BRINP1: variants seen among roughly 807,000 people sequenced by gnomAD.
BRINP1 encodes BMP/retinoic acid inducible neural specific 1, also known as BMP/retinoic acid-inducible neural-specific protein 1.
In BRINP1, 17 loss-of-function variants were observed where a neutral mutation model predicts 72.9. The observed-to-expected ratio is 0.23, with a 90% CI of 0.16 to 0.35. The LOEUF is 0.35. BRINP1 is among the 10% of genes least tolerant of loss of function. The pLI, the probability that BRINP1 is intolerant of heterozygous loss-of-function variation, is 1.00. For missense variants in BRINP1, 850 were observed against 1,001.6 expected (o/e 0.85, Z 2.04); for synonymous variants, 418 against 378.5 (o/e 1.10, Z -1.21).
chr9:119,206,465 C>T (rs1033330261), intron 7 of BRINP1, among the ~76,000 whole-genome samples: 5 of 147,836 alleles, frequency 3.4e-5, no homozygotes, highest in African/African-American at 5.0e-5. Flanking sequence ...GATATTAGGA[C>T]GCAGATGCAC....
intron 4 of BRINP1, among the ~76,000 whole-genome samples, chr9:119,240,600 G>A (rs527460018): frequency 2.0e-5 from 3 of 152,260 alleles, no homozygotes; most frequent in South Asian, 2.1e-4. Context: ...TGACTCCGAT[G>A]GCTTCATAAA....
At chr9:119,206,032 G>C (rs1829850074) in intron 7 of BRINP1, among the ~76,000 whole-genome samples, 1 of 152,150 alleles carries the variant, frequency 6.6e-6, no homozygotes, top group South Asian at 2.1e-4. Context: ...CTGTGACTGT[G>C]TTTGGAGACA....
At chr9:119,189,334 T>C (rs1307004189) in intron 7 of BRINP1, among the ~76,000 whole-genome samples, 1 of 152,078 alleles carries the variant, frequency 6.6e-6, no homozygotes, top group African/African-American at 2.4e-5. Context: ...GTATCAATAA[T>C]GACATTAACT....
chr9:119,281,934 C>T (rs1830716953), intron 2 of BRINP1, among the ~76,000 whole-genome samples: 1 of 152,008 alleles, frequency 6.6e-6, no homozygotes, highest in Non-Finnish European at 1.5e-5. Context: ...ATGTTTTGTT[C>T]CTCTTGGCTA....
At chr9:119,257,719 C>T (rs1235353413) in intron 2 of BRINP1, among the ~76,000 whole-genome samples, 2 of 152,184 alleles carry the variant, frequency 1.3e-5, no homozygotes, top group African/African-American at 2.4e-5. Flanking sequence ...GAGATGAAAT[C>T]ATTGAGCTGA....
intron 1 of BRINP1, among the ~76,000 whole-genome samples, chr9:119,319,163 A>G (rs1831158795): frequency 6.6e-6 from 1 of 152,100 alleles, no homozygotes; most frequent in Non-Finnish European, 1.5e-5. Flanking sequence ...TTTACAGATC[A>G]TAACCTGAGT....
chr9:119,312,958 C>T (rs1252891959), intron 2 of BRINP1, among the ~76,000 whole-genome samples, 180 bp downstream of exon 2: 1 of 152,190 alleles, frequency 6.6e-6, no homozygotes, highest in Non-Finnish European at 1.5e-5. Context: ...TTGATCCTCT[C>T]CTTGTCATTG....
At chr9:119,201,689 A>C (rs1338130088) in intron 7 of BRINP1, among the ~76,000 whole-genome samples, 2 of 152,154 alleles carry the variant, frequency 1.3e-5, no homozygotes, top group Non-Finnish European at 2.9e-5. Flanking sequence ...TCATGAAACA[A>C]TGTCTTTTTA....
intron 2 of BRINP1, among the ~76,000 whole-genome samples, chr9:119,306,570 G>C (rs1830999914): frequency 6.6e-6 from 1 of 152,170 alleles, no homozygotes; most frequent in Non-Finnish European, 1.5e-5. Context: ...CTGAAGGGAA[G>C]AAAAAGTGTC....
chr9:119,335,753 C>A (rs1831340044), intron 1 of BRINP1, among the ~76,000 whole-genome samples: 1 of 152,228 alleles, frequency 6.6e-6, no homozygotes, highest in Non-Finnish European at 1.5e-5. Flanking sequence ...TGTGCTCAGA[C>A]TTCTCTAAAT....
At chr9:119,220,707 T>C (rs1830031747) in intron 5 of BRINP1, among the ~76,000 whole-genome samples, 1 of 152,204 alleles carries the variant, frequency 6.6e-6, no homozygotes, top group Non-Finnish European at 1.5e-5. Flanking sequence ...AGTAGGTTTT[T>C]ATAAATGTAT....
chr9:119,251,485 G>C (rs955920237), intron 2 of BRINP1, among the ~76,000 whole-genome samples: 1 of 152,186 alleles, frequency 6.6e-6, no homozygotes, highest in Non-Finnish European at 1.5e-5. Flanking sequence ...GTGCACGCCT[G>C]TAGCCCCAGC....
At chr9:119,173,735 C>A (rs1035162633) in intron 7 of BRINP1, among the ~76,000 whole-genome samples, 1 of 145,506 alleles carries the variant, frequency 6.9e-6, no homozygotes, top group Non-Finnish European at 1.5e-5. Flanking sequence ...TACCTGACTT[C>A]AAACTATACT....
chr9:119,366,503 CGT>C (rs3983901), intron 1 of BRINP1, among the ~76,000 whole-genome samples: 3,522 of 136,180 alleles, frequency 0.026, 314 homozygotes, highest in East Asian at 0.03. Context: ...CCCCCACCAC[CGT>C]GTGTGTGTGT....
intron 5 of BRINP1, among the ~76,000 whole-genome samples, chr9:119,237,701 G>A (rs1031240712): frequency 4.0e-5 from 6 of 151,532 alleles, no homozygotes; most frequent in South Asian, 2.1e-4. Flanking sequence ...TTGCTCTGTC[G>A]CCTAGGCTGG....
intron 3 of BRINP1, among the ~76,000 whole-genome samples, chr9:119,244,187 G>T (rs937321731): frequency 9.9e-5 from 15 of 152,058 alleles, no homozygotes; most frequent in Admixed American, 2.0e-4. Context: ...GGTTTTACAG[G>T]CCAAGGCTTG....
chr9:119,304,244 T>C (rs958273885), intron 2 of BRINP1, among the ~76,000 whole-genome samples: 147 of 152,184 alleles, frequency 9.7e-4, no homozygotes, highest in African/African-American at 3.4e-3. Context: ...ATCCTTATTT[T>C]GCAGATGGAG....
At position 119,309,878 on chromosome 9, in the gene BRINP1, C is replaced by T. The variant is rs556289781; in HGVS notation, c.218+3260G>A. Among the ~76,000 whole-genome samples the T allele has an allele frequency of 2.0e-5, 3 of 152,084 alleles. No individual in the cohort carries two copies. The East Asian group carries it at 5.8e-4, about 29-fold the overall frequency. On this transcript the variant is annotated intron_variant, in intron 2 of 7. Coordinates refer to ENST00000265922, the MANE Select transcript of BRINP1 (RefSeq NM_014618.3). ...GTTTTTTTGGTCATCTCTATGTTAG[C>T]GAACAGTAGTACAATTTATGGATAA...
chr9:119,306,992 C>CT (rs1244809262), intron 2 of BRINP1, among the ~76,000 whole-genome samples: 6 of 151,598 alleles, frequency 4.0e-5, no homozygotes, highest in South Asian at 4.2e-4. Flanking sequence ...TCCCACCACT[C>CT]TTTTTTTTTC....
Sources: gnomAD v4.1 joint callset for allele counts (sites outside exome capture counted in the v4.1 genomes callset) on GRCh38, gnomAD v4.1.1 for gene constraint, MANE v1.5 for transcripts, NCBI Gene and HGNC (gene_info 2026-07-23, HGNC 2026-07-21) for gene names.